Variants in ABCC8 observed in about 807,000 individuals in gnomAD.
ABCC8 encodes the protein ATP-binding cassette sub-family C member 8.
ABCC8 carries 137 observed loss-of-function variants against 188.0 expected under a neutral mutation model. That is an observed-to-expected ratio of 0.73 (90% CI 0.63 to 0.84). The LOEUF (loss-of-function observed/expected upper bound fraction) is 0.84, where lower values mean the gene tolerates loss of function less well. Among genes scored for constraint, ABCC8 ranks in the 40% least tolerant of loss-of-function variants. ABCC8 has a pLI of 0.00. For missense variants in ABCC8, 1,750 were observed against 2,072.7 expected (o/e 0.84, Z 3.02); for synonymous variants, 797 against 846.5 (o/e 0.94, Z 1.01).
intron 23 of ABCC8, among the ~76,000 whole-genome samples, chr11:17,407,854 G>A (rs1954617296): frequency 6.6e-6 from 1 of 152,200 alleles, no homozygotes; most frequent in Non-Finnish European, 1.5e-5. Context: ...TGGGGAAAGA[G>A]GCACTTTTTT....
In ABCC8 at chr11:17,394,403, A is replaced by C. The variant is rs1476016104; in HGVS notation, c.4412-4T>G. 8 of 1,614,186 alleles carry C rather than the reference A, an allele frequency of 5.0e-6. No homozygotes were observed. In the East Asian group the frequency reaches 1.3e-4, roughly 27 times the overall value. On this transcript the variant is annotated splice_region_variant and splice_polypyrimidine_tract_variant and intron_variant, in intron 36 of 38. Coordinates refer to ENST00000389817, the MANE Select transcript of ABCC8 (RefSeq NM_000352.6). ...CCGCCTTCTGTGATGATGGCATCTG[A>C]AAACAGCCCGGGGAGATGAAGTAGG...
chr11:17,476,611 C>T lies in ABCC8; in HGVS notation c.148+18G>A. 2 of 1,609,346 alleles carry T rather than the reference C, an allele frequency of 1.2e-6. No individual in the cohort carries two copies. The highest frequency in any genetic ancestry group is 1.7e-6 in the Non-Finnish European group (2 of 1,178,072). ...TGCTCTCCCGTCCCCTCCTCCGCGGCTCGCTGCGCGCACTCACCAATGAAG... is the reference window on the plus strand; with the variant it reads ...TGCTCTCCCGTCCCCTCCTCCGCGGTTCGCTGCGCGCACTCACCAATGAAG... On this transcript the variant is annotated intron_variant, in intron 1 of 38. Coordinates refer to ENST00000389817, the MANE Select transcript of ABCC8 (RefSeq NM_000352.6).
chr11:17,412,808 C>G lies in ABCC8; in HGVS notation c.2476-62G>C, dbSNP rs2133470888. ...CCATTCAGGAGACACTGTCCTGTACCCTACTGGACTATGAGCTCTTTGGGA... is the reference window on the plus strand; with the variant it reads ...CCATTCAGGAGACACTGTCCTGTACGCTACTGGACTATGAGCTCTTTGGGA... On this transcript the variant is annotated intron_variant, in intron 20 of 38. Transcript: ENST00000389817. 5.1e-6 allele frequency: 8 copies of G among 1,561,534 alleles called. No homozygotes were observed. The South Asian group carries it at 8.3e-5, about 16-fold the overall frequency.
intron 16 of ABCC8, among the ~76,000 whole-genome samples, chr11:17,425,144 T>C (rs1273054724): frequency 1.3e-5 from 2 of 152,164 alleles, no homozygotes; most frequent in Non-Finnish European, 2.9e-5. Context: ...TACCTGGGCC[T>C]TCCCAGTCAG....
chr11:17,455,754 A>G (rs1956968061), intron 6 of ABCC8, among the ~76,000 whole-genome samples: 1 of 151,994 alleles, frequency 6.6e-6, no homozygotes, highest in South Asian at 2.1e-4. Context: ...CCTGGCCAAC[A>G]TGCTGAAACC....
At chr11:17,412,144 G>A (rs888357058) in intron 21 of ABCC8, among the ~76,000 whole-genome samples, 5 of 152,016 alleles carry the variant, frequency 3.3e-5, no homozygotes, top group African/African-American at 1.2e-4. Context: ...CGCCTGCCTC[G>A]GCCTCCCAAA....
intron 7 of ABCC8, 175 bp from the exon 8 acceptor site, chr11:17,448,846 C>T (rs1276161458): frequency 5.5e-6 from 2 of 360,466 alleles, no homozygotes; most frequent in Non-Finnish European, 7.7e-6. Flanking sequence ...TACTCCAGCA[C>T]AGCAAGCTAC....
chr11:17,419,158 G>A lies in ABCC8; in HGVS notation c.2223-2196C>T, dbSNP rs1955219331. On this transcript the variant is annotated intron_variant, in intron 16 of 38. Transcript: ENST00000389817. ...CCAAACTTTGTATCTGTTTTAAGCT[G>A]AAAAGTAAAGAATGGTATGTCTGGC... Among the ~76,000 whole-genome samples, 3 of 152,178 alleles carry A rather than the reference G, an allele frequency of 2.0e-5. No individual in the cohort carries two copies. In the South Asian group the frequency reaches 6.2e-4, roughly 32 times the overall value.
At chr11:17,428,697 T>A (rs779809870) in intron 12 of ABCC8, 27 bp from the exon 13 acceptor site, 160 of 1,609,088 alleles carry the variant, frequency 9.9e-5, no homozygotes, top group Non-Finnish European at 1.3e-4. Flanking sequence ...GAGACACCCC[T>A]CACCCCTGCC....
chr11:17,410,307 A>G, intron 22 of ABCC8: 1 of 573,506 alleles, frequency 1.7e-6, no homozygotes, highest in East Asian at 2.9e-5. Context: ...CAGGATGGGG[A>G]GTGTCTGTGG....
At chr11:17,424,196 G>GA (rs1488542631) in intron 16 of ABCC8, among the ~76,000 whole-genome samples, 1 of 146,934 alleles carries the variant, frequency 6.8e-6, no homozygotes, top group Non-Finnish European at 1.5e-5. Flanking sequence ...AGAGCATTAG[G>GA]ACAAATACCT....
chr11:17,463,619 T>A lies in ABCC8; in HGVS notation c.413-15A>T, dbSNP rs758744263. On this transcript the variant is annotated splice_polypyrimidine_tract_variant and intron_variant, in intron 3 of 38. Coordinates refer to ENST00000389817, the MANE Select transcript of ABCC8 (RefSeq NM_000352.6). Reference sequence around the variant, plus strand: ...CACCAGCAGGGCTGCCGAGGAGAGATGGAAGATCGCAGAGACGTGTGTGCA... The same window carrying A: ...CACCAGCAGGGCTGCCGAGGAGAGAAGGAAGATCGCAGAGACGTGTGTGCA... 1 of 1,564,826 alleles carries A rather than the reference T, an allele frequency of 6.4e-7. No individual in the cohort carries two copies. Among genetic ancestry groups the A allele is most frequent in the Non-Finnish European group, 8.7e-7 (1 of 1,154,246 alleles).
Position 17,393,760 on chromosome 11 carries a change from C to A in ABCC8, c.4546-1G>T. ...TCACCACCTTTTGGAGGATGTTTTC[C>A]TGCCAAGTGGGGGCAACAGCTGTTG... On this transcript the variant is annotated splice_acceptor_variant, in intron 37 of 38. Coordinates refer to ENST00000389817, the MANE Select transcript of ABCC8 (RefSeq NM_000352.6). LOFTEE classifies it high-confidence loss of function. 1.2e-6 allele frequency: 2 copies of A among 1,614,112 alleles called. No homozygotes were observed. Among genetic ancestry groups the A allele is most frequent in the Non-Finnish European group, 1.7e-6 (2 of 1,179,938 alleles).
At chr11:17,435,800 T>TA in intron 10 of ABCC8, 1 of 1,296,024 alleles carries the variant, frequency 7.7e-7, no homozygotes, top group South Asian at 1.2e-5. Context: ...CCATTCCAGA[T>TA]ATGATACATG....
At chr11:17,415,096 AATGATCTT>A (rs1156369850) in intron 18 of ABCC8, among the ~76,000 whole-genome samples, 200 bp downstream of exon 18, 1 of 152,070 alleles carries the variant, frequency 6.6e-6, no homozygotes, top group African/African-American at 2.4e-5. Flanking sequence ...CCCAGATAAA[AATGATCTT>A]ATGTGAAGGG....
chr11:17,456,025 T>TC (rs1173092543), intron 6 of ABCC8, among the ~76,000 whole-genome samples: 9 of 145,584 alleles, frequency 6.2e-5, no homozygotes, highest in South Asian at 4.5e-4. Context: ...CCTGTTGGAG[T>TC]CTACCGAGAA....
At chr11:17,471,232 T>TG (rs1848461386) in intron 2 of ABCC8, among the ~76,000 whole-genome samples, 1 of 152,126 alleles carries the variant, frequency 6.6e-6, no homozygotes, top group Non-Finnish European at 1.5e-5. Context: ...AGCTAACTGT[T>TG]GGAGTCAGCA....
At chr11:17,452,111 G>A (rs1332725788) in intron 7 of ABCC8, among the ~76,000 whole-genome samples, 1 of 152,168 alleles carries the variant, frequency 6.6e-6, no homozygotes, top group Non-Finnish European at 1.5e-5. Context: ...TCTCAATCAG[G>A]ATGTCTCTCT....
chr11:17,419,815 T>C (rs1955252372), intron 16 of ABCC8, among the ~76,000 whole-genome samples: 1 of 152,082 alleles, frequency 6.6e-6, no homozygotes, highest in African/African-American at 2.4e-5. Context: ...GTAGGAAAAA[T>C]ATGGGCTCTG....
Sources: gnomAD v4.1 joint callset for allele counts (sites outside exome capture counted in the v4.1 genomes callset) on GRCh38, gnomAD v4.1.1 for gene constraint, MANE v1.5 for transcripts, NCBI Gene and HGNC (gene_info 2026-07-23, HGNC 2026-07-21) for gene names.